Variants in CEBPZOS observed in about 807,000 individuals in gnomAD.
The protein encoded by CEBPZOS is CEBPZ opposite strand.
A neutral mutation model predicts 4.8 loss-of-function variants in CEBPZOS; 10 were observed. The ratio of observed to expected loss-of-function variants is 2.07; its 90% CI spans 1.28 to 3.52. The LOEUF (loss-of-function observed/expected upper bound fraction) is 3.52. Among genes scored for constraint, CEBPZOS ranks in the 30% most tolerant of loss-of-function variants. CEBPZOS has a pLI of 0.00. For synonymous variants in CEBPZOS, 25 were observed against 14.2 expected (o/e 1.77, Z -1.72); for missense variants, 98 against 43.6 (o/e 2.25, Z -3.51).
At chr2:37,207,407 A>G (rs1316571108), downstream of CEBPZOS, among the ~76,000 whole-genome samples, 1 of 152,228 alleles carries the variant, frequency 6.6e-6, no homozygotes, top group African/African-American at 2.4e-5. Flanking sequence ...GTAGGCCACA[A>G]AACAAGTCTC....
At chr2:37,198,160 CAAAAATAA>C (rs1677040922) in intron 1 of CEBPZOS, among the ~76,000 whole-genome samples, 2 of 150,510 alleles carry the variant, frequency 1.3e-5, no homozygotes, top group African/African-American at 4.9e-5. Flanking sequence ...ACCGTGTCTC[CAAAAATAA>C]AATAAAAAAA....
At position 37,202,036 on chromosome 2, in the gene CEBPZOS, A is replaced by T; in HGVS notation, c.*176A>T. The T allele has an allele frequency of 1.7e-6, 1 of 582,738 alleles. No homozygotes were observed. The allele number at this position is 582,738 out of a possible 1,614,324, so 36.1% of individuals were successfully genotyped here. ...GGTTTCCCACCCACTATACAAACCC[A>T]CTGCTTGTTTGTTGCTTTTCTTCTC... On this transcript the variant is annotated 3_prime_UTR_variant, in exon 5 of 5. Coordinates refer to ENST00000402297, the MANE Select transcript of CEBPZOS (RefSeq NM_001322374.2).
At position 37,202,346 on chromosome 2, in the gene CEBPZOS, T is replaced by C. The variant is rs1198785776; in HGVS notation, c.*486T>C. 2 of 160,606 alleles carry C rather than the reference T, an allele frequency of 1.2e-5. No individual in the cohort carries two copies. Among genetic ancestry groups the C allele is most frequent in the Admixed American group, 6.3e-5 (1 of 15,768 alleles). 9.9% of individuals were successfully genotyped at this position (160,606 alleles called of 1,614,324 possible). A position where few individuals can be genotyped will look rare whatever the true frequency, so the allele number is the denominator to read the frequency against. ...TTGTAAAGTACCATGAAAAGGTCTT[T>C]CAAAAATATTCCTATCAGCCAGGCA... is the stretch of plus-strand genomic sequence containing the variant. On this transcript the variant is annotated 3_prime_UTR_variant, in exon 5 of 5. Transcript: ENST00000402297.
At position 37,202,579 on chromosome 2, in the gene CEBPZOS, A is replaced by G; in HGVS notation, c.*719A>G. On this transcript the variant is annotated 3_prime_UTR_variant, in exon 5 of 5. Transcript: ENST00000402297. ...AGAATTACTTGAACATGGGAGATGG[A>G]GGTTGCAGTGAGCCAAGATCATGCC... 2.5e-6 allele frequency: 1 copy of G among 392,382 alleles called. No homozygotes were observed. The highest frequency in any genetic ancestry group is 4.6e-6 in the Non-Finnish European group (1 of 218,510). The allele number at this position is 392,382 out of a possible 1,614,324, so 24.3% of individuals were successfully genotyped here.
At chr2:37,208,048 G>C (rs537804467), downstream of CEBPZOS, among the ~76,000 whole-genome samples, 6 of 152,142 alleles carry the variant, frequency 3.9e-5, no homozygotes, top group African/African-American at 1.4e-4. Flanking sequence ...AGAAAACCTA[G>C]AGAAAAATGG....
In CEBPZOS at chr2:37,203,828, T is replaced by G. The variant is rs2148334000; in HGVS notation, c.*1968T>G. The G allele has an allele frequency of 1.3e-5, 2 of 152,360 alleles. No homozygotes were observed. Among genetic ancestry groups the G allele is most frequent in the Middle Eastern group, 6.8e-3 (2 of 294 alleles). 9.4% of individuals were successfully genotyped at this position (152,360 alleles called of 1,614,324 possible). ...TGTGGTTTCCTATATCTGACTTTTT[T>G]CATTTAGCATAACGTTTTTGAGGCT... is the stretch of plus-strand genomic sequence containing the variant. On this transcript the variant is annotated 3_prime_UTR_variant, in exon 5 of 5. Coordinates refer to ENST00000402297, the MANE Select transcript of CEBPZOS (RefSeq NM_001322374.2).
At chr2:37,207,219 T>G (rs1553349252), downstream of CEBPZOS, among the ~76,000 whole-genome samples, 1 of 152,108 alleles carries the variant, frequency 6.6e-6, no homozygotes, top group Non-Finnish European at 1.5e-5. Flanking sequence ...ACTTCAATAC[T>G]CCACTGACAG....
intron 3 of CEBPZOS, 165 bp from the exon 4 acceptor site, chr2:37,201,477 A>G (rs1677228163): frequency 5.2e-6 from 3 of 574,532 alleles, no homozygotes; most frequent in South Asian, 4.6e-5. Flanking sequence ...GCTCATTACA[A>G]TGATCAGAGA....
chr2:37,212,889 A>C (rs569921839), intron 4 of CEBPZOS, among the ~76,000 whole-genome samples: 9 of 151,108 alleles, frequency 6.0e-5, no homozygotes, highest in South Asian at 2.1e-4. Context: ...CAAAAAAAAA[A>C]CGAGCCGGAC....
chr2:37,198,214 A>C (rs1323541795), intron 1 of CEBPZOS, among the ~76,000 whole-genome samples: 1 of 152,164 alleles, frequency 6.6e-6, no homozygotes, highest in Non-Finnish European at 1.5e-5. Flanking sequence ...ACTGAGCATG[A>C]CTTACTTTCT....
chr2:37,211,875 T>G, intron 4 of CEBPZOS: 2 of 1,609,718 alleles, frequency 1.2e-6, no homozygotes, highest in Non-Finnish European at 1.7e-6. Context: ...ATCTAACACA[T>G]CCATGAATGT....
downstream of CEBPZOS, among the ~76,000 whole-genome samples, chr2:37,205,432 G>A (rs963677611): frequency 4.6e-5 from 7 of 151,872 alleles, no homozygotes; most frequent in Non-Finnish European, 7.4e-5. Flanking sequence ...AGCACCTTGT[G>A]ACCCCCACTC....
At chr2:37,208,864 T>A (rs1247866271), downstream of CEBPZOS, 2 of 152,082 alleles carry the variant, frequency 1.3e-5, no homozygotes, top group Non-Finnish European at 2.9e-5. Flanking sequence ...TATTCACCGA[T>A]GATATGATAG....
chr2:37,198,635 A>C (rs1677065074), intron 1 of CEBPZOS: 1 of 152,232 alleles, frequency 6.6e-6, no homozygotes, highest in Admixed American at 6.5e-5. Context: ...GGTTATAAGG[A>C]GGCTGACTAA....
chr2:37,211,092 G>GA, intron 4 of CEBPZOS: 2 of 1,588,476 alleles, frequency 1.3e-6, no homozygotes, highest in Non-Finnish European at 1.7e-6. Flanking sequence ...TCTGTTACAC[G>GA]AAAAAATTTG....
At position 37,202,802 on chromosome 2, in the gene CEBPZOS, C is replaced by T. The variant is rs771823277; in HGVS notation, c.*942C>T. ...TACTTACTTGCATTATCTTTGTTAG[C>T]CATGGCATTCATGCCAATGTTATCA... On this transcript the variant is annotated 3_prime_UTR_variant, in exon 5 of 5. Coordinates refer to ENST00000402297, the MANE Select transcript of CEBPZOS (RefSeq NM_001322374.2). 6 of 1,586,144 alleles carry T rather than the reference C, an allele frequency of 3.8e-6. No homozygotes were observed. The highest frequency in any genetic ancestry group is 2.6e-6 in the Non-Finnish European group (3 of 1,166,622).
chr2:37,201,482 C>T, intron 3 of CEBPZOS, 160 bp from the exon 4 acceptor site: 1 of 577,858 alleles, frequency 1.7e-6, no homozygotes, highest in Non-Finnish European at 3.1e-6. Context: ...TTACAATGAT[C>T]AGAGATGCCA....
At position 37,203,254 on chromosome 2, in the gene CEBPZOS, G is replaced by C; in HGVS notation, c.*1394G>C. On this transcript the variant is annotated 3_prime_UTR_variant, in exon 5 of 5. Transcript: ENST00000402297. ...GAGTGTCTTCTTGCTTTTCAGATTT[G>C]GCCACTGATCGAAGTTTTACCCATA... The C allele has an allele frequency of 3.5e-6, 1 of 287,026 alleles. No homozygotes were observed. Among genetic ancestry groups the C allele is most frequent in the Admixed American group, 5.1e-5 (1 of 19,580 alleles). The allele number at this position is 287,026 out of a possible 1,614,324, so 17.8% of individuals were successfully genotyped here. A position where few individuals can be genotyped will look rare whatever the true frequency, so the allele number is the denominator to read the frequency against.
chr2:37,214,138 AAGT>A (rs1677808644), downstream of CEBPZOS, among the ~76,000 whole-genome samples: 1 of 152,218 alleles, frequency 6.6e-6, no homozygotes, highest in African/African-American at 2.4e-5. Flanking sequence ...ACTCAATAAA[AAGT>A]AGCTGGAATC....
Sources: allele counts gnomAD v4.1 joint callset (sites outside exome capture counted in the v4.1 genomes callset), GRCh38; gene constraint gnomAD v4.1.1; transcripts MANE v1.5; gene names NCBI Gene and HGNC (gene_info 2026-07-23, HGNC 2026-07-21).